The following MED13L variants were observed in gnomAD, a reference collection of about 807,000 sequenced individuals.
MED13L encodes mediator complex subunit 13L, also known as mediator of RNA polymerase II transcription subunit 13-like.
Under a neutral mutation model 220.9 loss-of-function variants are expected in MED13L, and 7 were observed. The observed-to-expected ratio is 0.03, with a 90% CI of 0.02 to 0.06. MED13L has a LOEUF of 0.06. Among genes scored for constraint, MED13L ranks in the 10% least tolerant of loss-of-function variants. MED13L has a pLI of 1.00. For synonymous variants in MED13L, 1,011 were observed against 1,015.2 expected (o/e 1.00, Z 0.08); for missense variants, 1,965 against 2,760.5 (o/e 0.71, Z 6.46).
intron 1 of MED13L, among the ~76,000 whole-genome samples, chr12:116,252,873 T>C (rs1871681578): frequency 6.6e-6 from 1 of 152,096 alleles, no homozygotes; most frequent in South Asian, 2.1e-4. Context: ...TTACAGACAA[T>C]TTTTGTGCCA....
chr12:116,075,823 A>G (rs1870741067), intron 4 of MED13L, among the ~76,000 whole-genome samples: 1 of 152,152 alleles, frequency 6.6e-6, no homozygotes, highest in Non-Finnish European at 1.5e-5. Context: ...AGAGTATGCT[A>G]TAATAGGTTT....
At chr12:116,267,815 C>A (rs1872947289) in intron 1 of MED13L, among the ~76,000 whole-genome samples, 1 of 152,148 alleles carries the variant, frequency 6.6e-6, no homozygotes, top group Non-Finnish European at 1.5e-5. Flanking sequence ...GCCTACTATG[C>A]TACAGAAAAT....
chr12:116,145,689 A>ATTTG (rs1364930493), intron 2 of MED13L, among the ~76,000 whole-genome samples: 2,624 of 136,750 alleles, frequency 0.019, 110 homozygotes, highest in Non-Finnish European at 0.029. Context: ...TTATTTATTT[A>ATTTG]TTTATTTATT....
intron 2 of MED13L, among the ~76,000 whole-genome samples, chr12:116,192,901 G>A (rs1881370343): frequency 6.6e-6 from 1 of 152,216 alleles, no homozygotes; most frequent in South Asian, 2.1e-4. Context: ...GGAAGGCTGA[G>A]GCGGGCAGAT....
chr12:116,075,910 ATTTTTTT>A (rs774757433), intron 4 of MED13L, among the ~76,000 whole-genome samples: 4 of 134,252 alleles, frequency 3.0e-5, no homozygotes, highest in Non-Finnish European at 6.3e-5. Context: ...GAGCCAGAAG[ATTTTTTT>A]TTTTTTTTTT....
chr12:116,108,390 A>AGGGTG (rs996083570), intron 3 of MED13L, among the ~76,000 whole-genome samples: 1 of 41,248 alleles, frequency 2.4e-5, no homozygotes, highest in African/African-American at 1.3e-4. Flanking sequence ...TTTAAAAGAA[A>AGGGTG]GGGGGGGGGG....
At chr12:116,140,053 A>C (rs1284393469) in intron 2 of MED13L, among the ~76,000 whole-genome samples, 4 of 152,024 alleles carry the variant, frequency 2.6e-5, no homozygotes, top group Non-Finnish European at 4.4e-5. Flanking sequence ...AGGACCTTTA[A>C]AACTATTTTA....
chr12:116,056,478 C>T (rs780683348), intron 4 of MED13L, among the ~76,000 whole-genome samples: 65 of 152,088 alleles, frequency 4.3e-4, no homozygotes, highest in Non-Finnish European at 3.5e-4. Flanking sequence ...ATCTGTCCAG[C>T]TCTGAATTCC....
At chr12:115,969,275 C>G (rs1408754798) in intron 27 of MED13L, among the ~76,000 whole-genome samples, 178 bp from the exon 28 acceptor site, 1 of 152,162 alleles carries the variant, frequency 6.6e-6, no homozygotes, top group East Asian at 1.9e-4. Flanking sequence ...ACAAATTATT[C>G]TTTCATTTTG....
chr12:116,124,544 G>T (rs1875415235), intron 2 of MED13L, among the ~76,000 whole-genome samples: 1 of 151,672 alleles, frequency 6.6e-6, no homozygotes, highest in African/African-American at 2.4e-5. Context: ...ATAATAATTT[G>T]TTTTCCTTAA....
intron 2 of MED13L, among the ~76,000 whole-genome samples, chr12:116,127,787 T>C (rs146995107): frequency 8.5e-4 from 130 of 152,350 alleles, no homozygotes; most frequent in Non-Finnish European, 1.4e-3. Context: ...GTAATCTTTT[T>C]CAAACCTTAA....
intron 21 of MED13L, 110 bp downstream of exon 21, chr12:115,983,007 G>A: frequency 8.4e-7 from 1 of 1,195,986 alleles, no homozygotes; most frequent in Non-Finnish European, 1.2e-6. Flanking sequence ...GAGAAATAGA[G>A]CACTTCATAG....
At chr12:116,163,148 G>A (rs1879008246) in intron 2 of MED13L, among the ~76,000 whole-genome samples, 1 of 152,044 alleles carries the variant, frequency 6.6e-6, no homozygotes, top group Admixed American at 6.6e-5. Flanking sequence ...TTCTCAAATA[G>A]TTACAAAATA....
intron 4 of MED13L, among the ~76,000 whole-genome samples, chr12:116,087,899 T>C (rs894714404): frequency 4.6e-5 from 7 of 152,218 alleles, no homozygotes; most frequent in Admixed American, 4.6e-4. Flanking sequence ...TGACAAAGGA[T>C]GGTATGCAAC....
At chr12:116,211,951 T>C (rs1565930707) in intron 2 of MED13L, among the ~76,000 whole-genome samples, 2 of 152,074 alleles carry the variant, frequency 1.3e-5, no homozygotes, top group South Asian at 2.1e-4. Context: ...TGTAGTTTAA[T>C]AAATAACTAT....
At chr12:116,086,054 G>T (rs764734575) in intron 4 of MED13L, among the ~76,000 whole-genome samples, 7 of 152,186 alleles carry the variant, frequency 4.6e-5, no homozygotes, top group Non-Finnish European at 8.8e-5. Context: ...ACGCTTGGGC[G>T]ATCCCTACAC....
intron 2 of MED13L, chr12:116,232,112 A>AT (rs1869615005): frequency 1.0e-6 from 1 of 985,300 alleles, no homozygotes; most frequent in East Asian, 1.1e-4. Context: ...CTTATGTCTA[A>AT]TGTTTTTACA....
At chr12:115,977,206 T>C (rs1218670327) in intron 23 of MED13L, among the ~76,000 whole-genome samples, 1 of 152,200 alleles carries the variant, frequency 6.6e-6, no homozygotes, top group Admixed American at 6.5e-5. Flanking sequence ...AAGTACAGGC[T>C]GCAGGCCAGA....
At chr12:116,041,845 GACAA>G (rs1163910028) in intron 4 of MED13L, among the ~76,000 whole-genome samples, 25 of 152,104 alleles carry the variant, frequency 1.6e-4, no homozygotes, top group Non-Finnish European at 2.5e-4. Flanking sequence ...AAAACAGACA[GACAA>G]ACAAACAAAC....
Sources: allele counts gnomAD v4.1 joint callset (sites outside exome capture counted in the v4.1 genomes callset), GRCh38; gene constraint gnomAD v4.1.1; transcripts MANE v1.5; gene names NCBI Gene and HGNC (gene_info 2026-07-23, HGNC 2026-07-21).